EP300: variants seen among roughly 807,000 people sequenced by gnomAD.
EP300 encodes the protein EP300 lysine acetyltransferase, also known as histone acetyltransferase p300.
A neutral mutation model predicts 264.0 loss-of-function variants in EP300; 31 were observed. The ratio of observed to expected loss-of-function variants is 0.12; its 90% confidence interval spans 0.09 to 0.16. The LOEUF (loss-of-function observed/expected upper bound fraction) is 0.16, where lower values mean the gene tolerates loss of function less well. Among genes scored for constraint, EP300 ranks in the 10% least tolerant of loss-of-function variants. The pLI, the probability that EP300 is intolerant of heterozygous loss-of-function variation, is 1.00. For synonymous variants in EP300, 1,340 were observed against 1,045.4 expected (o/e 1.28, Z -5.44); for missense variants, 2,766 against 3,052.9 (o/e 0.91, Z 2.21).
intron 26 of EP300, 89 bp from the exon 27 acceptor site, chr22:41,170,317 C>G: frequency 8.0e-7 from 1 of 1,254,126 alleles, no homozygotes; most frequent in Non-Finnish European, 1.2e-6. Flanking sequence ...TTATTGGTAT[C>G]TATATCAACT....
At chr22:41,146,917 C>A in intron 11 of EP300, 101 bp downstream of exon 11, 1 of 1,002,532 alleles carries the variant, frequency 1.0e-6, no homozygotes, top group Non-Finnish European at 1.5e-6. Flanking sequence ...CAGCAAGTGT[C>A]ATGATTACCT....
At chr22:41,128,722 A>G (rs967584346) in intron 4 of EP300, among the ~76,000 whole-genome samples, 2 of 152,166 alleles carry the variant, frequency 1.3e-5, no homozygotes, top group South Asian at 4.1e-4. Context: ...CGTGTTGGCC[A>G]GGATCGTCTC....
intron 1 of EP300, among the ~76,000 whole-genome samples, chr22:41,096,542 C>T (rs747830232): frequency 1.3e-5 from 2 of 151,274 alleles, no homozygotes; most frequent in Admixed American, 6.6e-5. Context: ...GTAAAGTATA[C>T]CTGCTTTTTG....
rs769217956 is a variant in EP300 at position 41,170,429 on chromosome 22, C to T, written c.4310C>T (p.Ala1437Val). The part of the protein sequence containing the change: ...KLGYTTGHIW[A>V]CPPSEGDDYI... ...AGTTACACAACAGGGCATATTTGGGCATGTCCACCAAGTGAGGGAGATGAT... is the reference window on the plus strand; with the variant it reads ...AGTTACACAACAGGGCATATTTGGGTATGTCCACCAAGTGAGGGAGATGAT... The change falls in exon 27 of 31, where the codon GCA (alanine) becomes GTA (valine). Residue 1437 changes from alanine to valine, a missense_variant. By Grantham distance (64) the Ala-to-Val change is moderately conservative (BLOSUM62 0). Transcript: ENST00000263253. 6.2e-7 allele frequency: 1 copy of T among 1,613,936 alleles called. No individual in the cohort carries two copies. The highest frequency in any genetic ancestry group is 8.5e-7 in the Non-Finnish European group (1 of 1,179,862).
rs150460015 is a variant in EP300 at position 41,134,539 on chromosome 22, C to T, written c.1529-1274C>T. ...CCTCCCAAGTAGCTGGGACCACATA[C>T]GTGCACCACCACGCCTGGCTAATTT... On this transcript the variant is annotated intron_variant, in intron 6 of 30. Transcript: ENST00000263253. Among the ~76,000 whole-genome samples, 267 of 152,256 alleles carry T rather than the reference C, an allele frequency of 1.8e-3. 1 individual carries two copies. The highest frequency in any genetic ancestry group is 6.0e-3 in the African/African-American group (248 of 41,546).
chr22:41,152,511 C>T (rs1361507408), intron 16 of EP300, among the ~76,000 whole-genome samples, 161 bp downstream of exon 16: 1 of 150,888 alleles, frequency 6.6e-6, no homozygotes, highest in Admixed American at 6.6e-5. Context: ...AATAATTTTT[C>T]TTTCTTTTTT....
At position 41,169,507 on chromosome 22, in the gene EP300, G is replaced by T; in HGVS notation, c.4177G>T (p.Val1393Leu). The T allele has an allele frequency of 6.3e-7, 1 of 1,591,432 alleles. No homozygotes were observed. Among genetic ancestry groups the T allele is most frequent in the Non-Finnish European group, 8.6e-7 (1 of 1,162,090 alleles). ...ATTTCTCTTCATTTTGTATAGGAGA[G>T]TATACATATCTTACCTCGATAGTGT... ...SDCPPPNQRRVYISYLDSVHF... is the reference protein window; with the variant it reads ...SDCPPPNQRRLYISYLDSVHF... Residue 1393 changes from valine (V) to leucine (L), a missense_variant, in exon 26 of 31, where the codon GTA (valine) becomes TTA (leucine). Physicochemically the swap from Val to Leu is conservative, Grantham distance 32 (BLOSUM62 1). Transcript: ENST00000263253.
chr22:41,155,221 T>A, intron 17 of EP300, 108 bp downstream of exon 17: 4 of 982,272 alleles, frequency 4.1e-6, no homozygotes, highest in South Asian at 2.7e-5. Flanking sequence ...AATTTGTAAT[T>A]CAGTGATTTT....
rs2059082221 is a variant in EP300, at chr22:41,157,211, A to G, written c.3304A>G (p.Ile1102Val). The G allele has an allele frequency of 6.2e-7, 1 of 1,614,046 alleles. No individual in the cohort carries two copies. The change falls in exon 18 of 31, where the codon ATT becomes GTT. Residue 1102 changes from isoleucine (I) to valine (V), a missense_variant. By Grantham distance (29) the Ile-to-Val change is conservative. Transcript: ENST00000263253. ...GAAGAGCCCCATGGATCTTTCTACCATTAAGAGGAAGTTAGACACTGGACA... is the reference window on the plus strand; with the variant it reads ...GAAGAGCCCCATGGATCTTTCTACCGTTAAGAGGAAGTTAGACACTGGACA... ...IVKSPMDLST[I>V]KRKLDTGQYQ...
intron 20 of EP300, 75 bp from the exon 21 acceptor site, chr22:41,162,648 T>C: frequency 8.4e-7 from 1 of 1,189,718 alleles, no homozygotes; most frequent in Middle Eastern, 2.1e-4. Context: ...GTGAAGTTTG[T>C]TCCTTTGGTT....
chr22:41,110,503 G>T (rs1026560520), intron 1 of EP300, among the ~76,000 whole-genome samples: 2 of 151,232 alleles, frequency 1.3e-5, no homozygotes, highest in African/African-American at 4.9e-5. Flanking sequence ...ATGTTGGCCA[G>T]GCTGGTCTTG....
intron 1 of EP300, among the ~76,000 whole-genome samples, chr22:41,111,228 A>G (rs2058788569): frequency 6.6e-6 from 1 of 151,536 alleles, no homozygotes; most frequent in Non-Finnish European, 1.5e-5. Flanking sequence ...CACCTGTCTC[A>G]GCCTCCCAAA....
At chr22:41,159,442 T>C (rs1446518917) in intron 19 of EP300, 1 of 152,228 alleles carries the variant, frequency 6.6e-6, no homozygotes, top group Non-Finnish European at 1.5e-5. Flanking sequence ...CTTTACTCAT[T>C]TGAAACCTAG....
chr22:41,116,781 C>G (rs1272457427), intron 1 of EP300, among the ~76,000 whole-genome samples: 1 of 152,108 alleles, frequency 6.6e-6, no homozygotes, highest in Non-Finnish European at 1.5e-5. Flanking sequence ...ATATATAGGG[C>G]TGTGTGTGGT....
chr22:41,150,884 C>T (rs1197351398), intron 14 of EP300, among the ~76,000 whole-genome samples: 1 of 148,302 alleles, frequency 6.7e-6, no homozygotes, highest in African/African-American at 2.5e-5. Context: ...GAGTGAAACT[C>T]CGTCTAAAAA....
At chr22:41,094,999 C>T (rs1192840615) in intron 1 of EP300, among the ~76,000 whole-genome samples, 1 of 151,946 alleles carries the variant, frequency 6.6e-6, no homozygotes, top group African/African-American at 2.4e-5. Flanking sequence ...AAAAAAAACT[C>T]AACATTGAGA....
At chr22:41,144,660 A>C (rs781257407) in intron 10 of EP300, among the ~76,000 whole-genome samples, 2 of 152,100 alleles carry the variant, frequency 1.3e-5, no homozygotes, top group African/African-American at 2.4e-5. Context: ...CCCAGCCTTT[A>C]AATATTTATC....
chr22:41,167,233 G>C (rs1251668072), intron 23 of EP300, among the ~76,000 whole-genome samples: 1 of 152,102 alleles, frequency 6.6e-6, no homozygotes, highest in East Asian at 1.9e-4. Flanking sequence ...CTGATCACAG[G>C]TGATCCACCC....
chr22:41,144,904 A>G (rs1438914118), intron 10 of EP300, among the ~76,000 whole-genome samples: 3 of 152,194 alleles, frequency 2.0e-5, no homozygotes, highest in Non-Finnish European at 4.4e-5. Flanking sequence ...GCTTTAAAAA[A>G]AAAAGGACAT....
Sources: allele counts gnomAD v4.1 joint callset (sites outside exome capture counted in the v4.1 genomes callset), GRCh38; gene constraint gnomAD v4.1.1; transcripts MANE v1.5; gene names NCBI Gene and HGNC (gene_info 2026-07-23, HGNC 2026-07-21).